PDE4C: variants seen among roughly 807,000 people sequenced by gnomAD.
PDE4C encodes the protein phosphodiesterase 4C, also known as 3',5'-cyclic-AMP phosphodiesterase 4C.
PDE4C carries 50 observed loss-of-function variants against 63.9 expected under a neutral mutation model. The observed-to-expected ratio is 0.78, with a 90% CI of 0.62 to 0.99. PDE4C has a LOEUF of 0.99. Among genes scored for constraint, PDE4C ranks in the 50% least tolerant of loss-of-function variants. The probability of loss-of-function intolerance (pLI) is 0.00; values close to 1 mark genes in which losing one functional copy is unlikely to be tolerated. For synonymous variants in PDE4C, 377 were observed against 385.1 expected (o/e 0.98, Z 0.25); for missense variants, 777 against 899.1 (o/e 0.86, Z 1.74).
chr19:18,236,468 C>T (rs144823713), upstream of PDE4C, among the ~76,000 whole-genome samples: 321 of 152,296 alleles, frequency 2.1e-3, no homozygotes, highest in Middle Eastern at 0.01. Context: ...AGTGATGGAC[C>T]GGCCTCAGCC....
upstream of PDE4C, among the ~76,000 whole-genome samples, chr19:18,238,657 A>G (rs1968992023): frequency 6.6e-6 from 1 of 152,006 alleles, no homozygotes; most frequent in Non-Finnish European, 1.5e-5. Context: ...TCTATTGTAT[A>G]TTTTTTCTTA....
At chr19:18,246,815 T>G (rs1969142813) in intron 1 of PDE4C, among the ~76,000 whole-genome samples, 3 of 152,102 alleles carry the variant, frequency 2.0e-5, no homozygotes. Flanking sequence ...TAACTCCAGC[T>G]GCTCGGGAAG....
upstream of PDE4C, among the ~76,000 whole-genome samples, chr19:18,230,986 C>G (rs1439361506): frequency 6.6e-6 from 1 of 152,176 alleles, no homozygotes; most frequent in African/African-American, 2.4e-5. Flanking sequence ...CACATTCCCC[C>G]AACAGTTTCT....
chr19:18,213,161 G>A (rs1335299292), intron 13 of PDE4C, among the ~76,000 whole-genome samples: 1 of 151,640 alleles, frequency 6.6e-6, no homozygotes, highest in African/African-American at 2.4e-5. Context: ...CCGGGCACCT[G>A]TAATCCCAGC....
At chr19:18,243,403 C>T (rs918429081) in intron 1 of PDE4C, among the ~76,000 whole-genome samples, 28 of 152,098 alleles carry the variant, frequency 1.8e-4, no homozygotes, top group Non-Finnish European at 3.2e-4. Context: ...CCACCACATC[C>T]GGTGGTGACT....
At chr19:18,250,727 C>A (rs1313112116), upstream of PDE4C, among the ~76,000 whole-genome samples, 1 of 151,894 alleles carries the variant, frequency 6.6e-6, no homozygotes, top group Non-Finnish European at 1.5e-5. Context: ...CCACCTCAGC[C>A]TCCCAAGTAG....
intron 14 of PDE4C, 85 bp downstream of exon 14, chr19:18,211,674 G>T: frequency 6.6e-7 from 1 of 1,509,072 alleles, no homozygotes. Context: ...GCCAGCCAGG[G>T]CCAAACCAGG....
upstream of PDE4C, among the ~76,000 whole-genome samples, chr19:18,252,778 T>C (rs1390615414): frequency 6.6e-6 from 1 of 152,124 alleles, no homozygotes; most frequent in Admixed American, 6.6e-5. Context: ...TTACCACGCC[T>C]GGCTAATTTT....
chr19:18,214,327 C>T (rs760658656), intron 12 of PDE4C, among the ~76,000 whole-genome samples: 1 of 151,738 alleles, frequency 6.6e-6, no homozygotes, highest in Non-Finnish European at 1.5e-5. Context: ...CCAACTGTGA[C>T]CCCACAGGGC....
chr19:18,210,779 G>A (rs187512140), exon 15 of PDE4C: 12 of 1,365,606 alleles, frequency 8.8e-6, no homozygotes, highest in East Asian at 5.1e-5. Context: ...TAGACCCTGG[G>A]AGCCACCTAT....
intron 8 of PDE4C, 28 bp from the exon 9 acceptor site, chr19:18,219,066 T>A: frequency 6.3e-7 from 1 of 1,593,974 alleles, no homozygotes; most frequent in Non-Finnish European, 8.6e-7. Flanking sequence ...GAAGCTTAAT[T>A]AACCCCAGCC....
exon 1 of PDE4C, chr19:18,233,068 T>G: frequency 1.9e-6 from 3 of 1,570,940 alleles, no homozygotes; most frequent in Non-Finnish European, 8.6e-7. Flanking sequence ...CGCTGTTGGA[T>G]GCGGATGGGG....
At position 18,220,483 on chromosome 19, in the gene PDE4C, G is replaced by C; in HGVS notation, c.532C>G (p.Leu178Val). 6.2e-7 allele frequency: 1 copy of C among 1,614,160 alleles called. No individual in the cohort carries two copies. Among genetic ancestry groups the C allele is most frequent in the African/African-American group, 1.3e-5 (1 of 75,044 alleles). The stretch of plus-strand genomic sequence containing the variant: ...TCCAGGCACCAGTCCAGCTCGTCTA[G>C]CGTCTCCAATGCCAGCTTCTGCCCC... Residue 178 changes from leucine to valine, a missense_variant, in exon 6 of 15, where the codon CTA (leucine) becomes GTA (valine). Transcript: ENST00000262805. The surrounding 1 kb of genome is among the most constrained non-coding windows in gnomAD (Gnocchi z 5.1).
chr19:18,224,127 C>T, intron 1 of PDE4C: 3 of 863,678 alleles, frequency 3.5e-6, no homozygotes, highest in Non-Finnish European at 4.2e-6. Flanking sequence ...CACTACCTGT[C>T]CCGTTCTACC....
upstream of PDE4C, among the ~76,000 whole-genome samples, chr19:18,228,548 C>T (rs1968788730): frequency 6.6e-6 from 1 of 152,196 alleles, no homozygotes; most frequent in African/African-American, 2.4e-5. Context: ...GCACTGGATG[C>T]GTTAACTCAT....
upstream of PDE4C, among the ~76,000 whole-genome samples, chr19:18,229,533 G>T (rs981902870): frequency 3.9e-5 from 6 of 152,124 alleles, no homozygotes; most frequent in African/African-American, 1.2e-4. Context: ...GAGCCACTGC[G>T]CCCATTCTGA....
At chr19:18,218,877 G>T in intron 9 of PDE4C, 63 bp downstream of exon 9, 1 of 1,137,350 alleles carries the variant, frequency 8.8e-7, no homozygotes, top group Non-Finnish European at 1.3e-6. Context: ...TGAGGTCTGT[G>T]GTAGGAAGCA....
chr19:18,217,959 G>A (rs1968274396), intron 11 of PDE4C, among the ~76,000 whole-genome samples, 190 bp downstream of exon 11: 1 of 152,150 alleles, frequency 6.6e-6, no homozygotes, highest in Non-Finnish European at 1.5e-5. Flanking sequence ...TCATTATTCT[G>A]TCATTTGTTG....
chr19:18,216,276 T>G (rs1968192386), intron 12 of PDE4C, among the ~76,000 whole-genome samples: 1 of 150,908 alleles, frequency 6.6e-6, no homozygotes, highest in South Asian at 2.1e-4. Context: ...TTTTTTTTTT[T>G]GAGATGGAGT....
Sources: allele counts gnomAD v4.1 joint callset (sites outside exome capture counted in the v4.1 genomes callset), GRCh38; gene constraint gnomAD v4.1.1; non-coding constraint Gnocchi (gnomAD v3.1); transcripts MANE v1.5; gene names NCBI Gene and HGNC (gene_info 2026-07-23, HGNC 2026-07-21).